Variants in DAPK1 observed in about 807,000 individuals in gnomAD.
The protein encoded by DAPK1 is death associated protein kinase 1, also known as death-associated protein kinase 1.
Under a neutral mutation model 144.9 loss-of-function variants are expected in DAPK1, and 56 were observed. The ratio of observed to expected loss-of-function variants is 0.39; its 90% CI spans 0.31 to 0.48. DAPK1 has a LOEUF of 0.48. Ranked by LOEUF, DAPK1 falls within the 20% of genes least tolerant of loss-of-function variation. The pLI, the probability that DAPK1 is intolerant of heterozygous loss-of-function variation, is 0.95. For missense variants in DAPK1, 1,454 were observed against 1,875.4 expected, an observed-to-expected ratio of 0.78 and a Z score of 4.15; for synonymous variants, 690 against 749.0, an observed-to-expected ratio of 0.92 and a Z score of 1.29.
intron 24 of DAPK1, 133 bp from the exon 25 acceptor site, chr9:87,702,896 A>G: frequency 3.2e-6 from 2 of 619,798 alleles, no homozygotes; most frequent in East Asian, 2.6e-5. Context: ...AACGTCAACA[A>G]CAACAAAAAA....
intron 3 of DAPK1, among the ~76,000 whole-genome samples, chr9:87,617,371 G>A (rs146054823): frequency 5.3e-5 from 8 of 152,288 alleles, no homozygotes; most frequent in African/African-American, 1.9e-4. Flanking sequence ...TGCCTAGCAG[G>A]AAAGCTCAAC....
At chr9:87,582,024 G>A (rs925669388) in intron 2 of DAPK1, among the ~76,000 whole-genome samples, 9 of 152,178 alleles carry the variant, frequency 5.9e-5, no homozygotes, top group African/African-American at 1.7e-4. Context: ...AAATCCAGGA[G>A]GCCTTCAAAT....
At chr9:87,598,285 A>G (rs935615831) in intron 2 of DAPK1, among the ~76,000 whole-genome samples, 3 of 152,206 alleles carry the variant, frequency 2.0e-5, no homozygotes, top group Non-Finnish European at 4.4e-5. Context: ...TTAATGAGAA[A>G]CCATATTGGA....
chr9:87,686,396 C>G lies in DAPK1; in HGVS notation c.2225-155C>G, dbSNP rs1277317327. On this transcript the variant is annotated intron_variant, in intron 20 of 25. Coordinates refer to ENST00000408954, the MANE Select transcript of DAPK1 (RefSeq NM_004938.4). This position sits in a 1 kb window ranked among gnomAD's most constrained non-coding sequence, Gnocchi z 4.2. ...CAGCCTTGCTGGGAACACTGCTGCC[C>G]TGCACGTGTGAGGGCAGACACACTC... Among the ~76,000 whole-genome samples the G allele has an allele frequency of 6.6e-6, 1 of 152,146 alleles. No homozygotes were observed. The highest frequency in any genetic ancestry group is 1.5e-5 in the Non-Finnish European group (1 of 68,016).
At chr9:87,547,240 T>C (rs1208861197) in intron 2 of DAPK1, among the ~76,000 whole-genome samples, 2 of 152,162 alleles carry the variant, frequency 1.3e-5, no homozygotes, top group African/African-American at 4.8e-5. Context: ...ATCAATAAAA[T>C]CCTGATGTTG....
chr9:87,539,773 C>T (rs982320742), intron 2 of DAPK1, among the ~76,000 whole-genome samples: 3 of 152,026 alleles, frequency 2.0e-5, no homozygotes, highest in Non-Finnish European at 4.4e-5. Context: ...TCATACCATC[C>T]GAGAGTAGAA....
chr9:87,560,915 C>T (rs1826892009), intron 2 of DAPK1, among the ~76,000 whole-genome samples: 2 of 152,114 alleles, frequency 1.3e-5, no homozygotes. Context: ...ATCCACCCAC[C>T]TCGGCCTCAC....
chr9:87,540,125 T>C (rs1292294309), intron 2 of DAPK1, among the ~76,000 whole-genome samples: 1 of 151,984 alleles, frequency 6.6e-6, no homozygotes, highest in East Asian at 1.9e-4. Context: ...TCACATGACT[T>C]TTATTACAGT....
intron 22 of DAPK1, among the ~76,000 whole-genome samples, chr9:87,697,515 T>C (rs1409831611): frequency 2.6e-5 from 4 of 152,218 alleles, no homozygotes; most frequent in Non-Finnish European, 4.4e-5. Context: ...CATTTCTCAC[T>C]TTTTTTCTAC....
At chr9:87,702,865 C>A (rs752308146) in intron 24 of DAPK1, among the ~76,000 whole-genome samples, 164 bp from the exon 25 acceptor site, 4 of 151,684 alleles carry the variant, frequency 2.6e-5, no homozygotes, top group Non-Finnish European at 5.9e-5. Flanking sequence ...TAGCGAGACC[C>A]AGTCTAAAAA....
intron 3 of DAPK1, among the ~76,000 whole-genome samples, chr9:87,613,860 G>T (rs1472854350): frequency 6.6e-6 from 1 of 152,160 alleles, no homozygotes; most frequent in Non-Finnish European, 1.5e-5. Context: ...TGCCACATTT[G>T]TTCTCTCTTT....
intron 3 of DAPK1, among the ~76,000 whole-genome samples, chr9:87,636,276 C>A (rs116173572): frequency 0.015 from 2,248 of 152,232 alleles, 66 homozygotes; most frequent in African/African-American, 0.051. Flanking sequence ...CCTGCTGTGT[C>A]CCCTGGAGGA....
intron 3 of DAPK1, among the ~76,000 whole-genome samples, chr9:87,629,678 A>G (rs1829603303): frequency 6.6e-6 from 1 of 152,042 alleles, no homozygotes; most frequent in Admixed American, 6.6e-5. Context: ...CCTGGGCCTA[A>G]CTCTTTCAAA....
chr9:87,542,149 T>G (rs1826079176), intron 2 of DAPK1, among the ~76,000 whole-genome samples: 1 of 152,222 alleles, frequency 6.6e-6, no homozygotes, highest in Non-Finnish European at 1.5e-5. Flanking sequence ...CTTTAGGACT[T>G]CATAATGATT....
intron 14 of DAPK1, among the ~76,000 whole-genome samples, chr9:87,647,825 A>G (rs1207491288): frequency 6.6e-6 from 1 of 152,244 alleles, no homozygotes; most frequent in Non-Finnish European, 1.5e-5. Context: ...TAATGAGACA[A>G]TGCACATAAA....
intron 2 of DAPK1, among the ~76,000 whole-genome samples, chr9:87,530,534 A>T (rs1183360830): frequency 6.6e-6 from 1 of 152,130 alleles, no homozygotes; most frequent in Non-Finnish European, 1.5e-5. Context: ...AGTCCCATGC[A>T]CTCCCTTTTA....
chr9:87,555,258 G>T (rs73652037), intron 2 of DAPK1, among the ~76,000 whole-genome samples: 1 of 152,140 alleles, frequency 6.6e-6, no homozygotes, highest in Non-Finnish European at 1.5e-5. Flanking sequence ...AATACAGCAC[G>T]TTCTTAAGCA....
intron 14 of DAPK1, among the ~76,000 whole-genome samples, chr9:87,647,879 G>A (rs1338990088): frequency 6.6e-6 from 1 of 152,182 alleles, no homozygotes; most frequent in Non-Finnish European, 1.5e-5. Context: ...TGTTATAAAA[G>A]TTACTGATTT....
In DAPK1 at chr9:87,707,262, T is replaced by A. The variant is rs1419132511; in HGVS notation, c.4191T>A (p.Ser1397=). Residue 1397 remains serine (S), a synonymous_variant, in exon 26 of 26, where the codon TCT becomes TCA. Transcript: ENST00000408954. The surrounding 1 kb of genome is among the most constrained non-coding windows in gnomAD (Gnocchi z 4.0). ...CAGACTTTTTGCTGAAGGCATCCTCTGTGTTCAAAATCAACCTGGATGGCA... is the reference window on the plus strand; with the variant it reads ...CAGACTTTTTGCTGAAGGCATCCTCAGTGTTCAAAATCAACCTGGATGGCA... The part of the protein sequence containing the change: ...DAADFLLKAS[S]VFKINLDGNG... 1 of 1,614,116 alleles carries A rather than the reference T, an allele frequency of 6.2e-7. No homozygotes were observed. Among genetic ancestry groups the A allele is most frequent in the African/African-American group, 1.3e-5 (1 of 75,076 alleles).
Sources: gnomAD v4.1 joint callset for allele counts (sites outside exome capture counted in the v4.1 genomes callset) on GRCh38, gnomAD v4.1.1 for gene constraint, Gnocchi (gnomAD v3.1) non-coding constraint, MANE v1.5 for transcripts, NCBI Gene and HGNC (gene_info 2026-07-23, HGNC 2026-07-21) for gene names.